The following GASK1A variants were observed in gnomAD, a reference collection of about 807,000 sequenced individuals.
GASK1A encodes the protein Golgi-associated kinase 1A.
A neutral mutation model predicts 41.2 loss-of-function variants in GASK1A; 40 were observed. The ratio of observed to expected loss-of-function variants is 0.97; its 90% CI spans 0.75 to 1.27. The LOEUF is 1.27. GASK1A is among the 50% of genes most tolerant of loss of function. The pLI is 0.00. For synonymous variants in GASK1A, 316 were observed against 307.1 expected, an observed-to-expected ratio of 1.03 and a Z score of -0.30; for missense variants, 678 against 745.1, an observed-to-expected ratio of 0.91 and a Z score of 1.05.
chr3:42,987,255 C>G (rs954549300), intron 1 of GASK1A, among the ~76,000 whole-genome samples: 3 of 152,206 alleles, frequency 2.0e-5, no homozygotes, highest in Non-Finnish European at 4.4e-5. Flanking sequence ...CTAAACTAAT[C>G]CTGGTTGGCT....
chr3:43,055,888 G>A, intron 4 of GASK1A: 1 of 479,132 alleles, frequency 2.1e-6, no homozygotes, highest in Middle Eastern at 5.7e-4. Context: ...ATTCTTTCTG[G>A]CCCTGCATTT....
chr3:43,007,636 T>A (rs909406165), intron 1 of GASK1A, among the ~76,000 whole-genome samples: 5 of 152,278 alleles, frequency 3.3e-5, no homozygotes, highest in Non-Finnish European at 7.3e-5. Context: ...CTCATTCACC[T>A]GCTTTCCAGC....
chr3:43,016,598 C>T (rs1452041595), intron 1 of GASK1A, among the ~76,000 whole-genome samples: 1 of 151,770 alleles, frequency 6.6e-6, no homozygotes, highest in Non-Finnish European at 1.5e-5. Flanking sequence ...TGTGTGAGGT[C>T]CCAGGAAGGG....
At chr3:43,009,442 T>A (rs2089452761) in intron 1 of GASK1A, among the ~76,000 whole-genome samples, 1 of 152,224 alleles carries the variant, frequency 6.6e-6, no homozygotes, top group Non-Finnish European at 1.5e-5. Flanking sequence ...TGGCCTGAGC[T>A]AATTCTTTCC....
At chr3:42,987,195 AG>A (rs1447845357) in intron 1 of GASK1A, among the ~76,000 whole-genome samples, 1 of 152,252 alleles carries the variant, frequency 6.6e-6, no homozygotes, top group African/African-American at 2.4e-5. Flanking sequence ...TCCTGATGCA[AG>A]TCCTGCCCCT....
intron 1 of GASK1A, among the ~76,000 whole-genome samples, chr3:43,011,915 T>C (rs1246249550): frequency 7.8e-6 from 1 of 128,600 alleles, no homozygotes; most frequent in Non-Finnish European, 1.7e-5. Context: ...TGAAGCCAGA[T>C]AAAAGGGCAG....
intron 1 of GASK1A, among the ~76,000 whole-genome samples, chr3:42,987,152 C>A (rs2089315985): frequency 6.6e-6 from 1 of 152,258 alleles, no homozygotes; most frequent in Non-Finnish European, 1.5e-5. Flanking sequence ...GCCATGAGAG[C>A]ACACCTGAAC....
chr3:43,003,964 A>G (rs951734779), intron 1 of GASK1A, among the ~76,000 whole-genome samples: 3 of 152,284 alleles, frequency 2.0e-5, no homozygotes, highest in Non-Finnish European at 2.9e-5. Flanking sequence ...TCTTTTGAAT[A>G]TATGCATTTC....
At chr3:43,040,945 A>G (rs1287648072) in intron 2 of GASK1A, among the ~76,000 whole-genome samples, 9 of 149,606 alleles carry the variant, frequency 6.0e-5, no homozygotes, top group East Asian at 6.0e-4. Context: ...TCGTTGTTCA[A>G]TTCCCACCTA....
Position 43,018,241 on chromosome 3 carries a change from A to T in GASK1A, c.4-14026A>T, listed in dbSNP as rs75207565. Among the ~76,000 whole-genome samples the T allele has an allele frequency of 8.6e-4, 131 of 152,304 alleles. 2 individuals carry two copies. In the East Asian group the frequency reaches 0.023, roughly 26 times the overall value. On this transcript the variant is annotated intron_variant, in intron 1 of 4. Transcript: ENST00000430121. ...AGTACATGGGCTATTGGAAAATTTA[A>T]ATCTTGCCTGCCAGTAATCTGAATT...
intron 1 of GASK1A, among the ~76,000 whole-genome samples, chr3:42,994,113 G>C (rs1174705489): frequency 6.6e-6 from 1 of 152,138 alleles, no homozygotes; most frequent in Non-Finnish European, 1.5e-5. Flanking sequence ...TCTCACACTT[G>C]GACTTAGCCC....
chr3:42,979,641 A>C lies in GASK1A; in HGVS notation c.-2A>C. On this transcript the variant is annotated 5_prime_UTR_variant, in exon 1 of 5. Transcript: ENST00000430121. ...GGAGCCGGCCGGGGCACCGCCGGGG[A>C]CATGGTAGGACTCGCGGGAAGGAAC... 8.0e-7 allele frequency: 1 copy of C among 1,244,730 alleles called. No homozygotes were observed. The highest frequency in any genetic ancestry group is 1.0e-6 in the Non-Finnish European group (1 of 987,618). 77.1% of individuals were successfully genotyped at this position (1,244,730 alleles called of 1,614,324 possible).
intron 1 of GASK1A, among the ~76,000 whole-genome samples, chr3:42,990,957 G>T (rs1323748620): frequency 6.6e-6 from 1 of 152,116 alleles, no homozygotes; most frequent in Non-Finnish European, 1.5e-5. Flanking sequence ...GTATGCAAAT[G>T]ATGGGTGCGG....
chr3:43,012,529 A>G (rs188904282), intron 1 of GASK1A, among the ~76,000 whole-genome samples: 9 of 151,392 alleles, frequency 5.9e-5, no homozygotes, highest in Admixed American at 4.6e-4. Flanking sequence ...GGAAAGTCAC[A>G]TGAAGGGGCT....
intron 1 of GASK1A, among the ~76,000 whole-genome samples, chr3:43,006,272 G>C (rs2089435714): frequency 6.6e-6 from 1 of 151,960 alleles, no homozygotes; most frequent in Non-Finnish European, 1.5e-5. Flanking sequence ...GAGTCTCTTT[G>C]CCTCTCTTGT....
At chr3:43,004,847 G>A (rs766255447) in intron 1 of GASK1A, among the ~76,000 whole-genome samples, 9 of 152,204 alleles carry the variant, frequency 5.9e-5, no homozygotes, top group Non-Finnish European at 1.2e-4. Context: ...AAAACGACAC[G>A]AATTAATTTT....
chr3:43,017,336 G>A (rs1471232447), intron 1 of GASK1A, among the ~76,000 whole-genome samples: 1 of 150,378 alleles, frequency 6.6e-6, no homozygotes, highest in Non-Finnish European at 1.5e-5. Context: ...CATAGGAAGG[G>A]GCAGTGGGAA....
chr3:43,007,944 T>C (rs2089444957), intron 1 of GASK1A, among the ~76,000 whole-genome samples: 1 of 152,232 alleles, frequency 6.6e-6, no homozygotes, highest in African/African-American at 2.4e-5. Flanking sequence ...TATTCTATCC[T>C]GGGGCAGGAA....
chr3:43,033,366 T>C lies in GASK1A; in HGVS notation c.1103T>C (p.Val368Ala). The change falls in exon 2 of 5, where the codon GTC becomes GCC. Residue 368 changes from valine (V) to alanine (A), a missense_variant. Transcript: ENST00000430121. ...TACACAGACGGTGGAGCAAGGCCTG[T>C]CATCTGGTGGGCACCCGATGTGCAG... ...YRYTDGGARP[V>A]IWWAPDVQHL... 6.4e-7 allele frequency: 1 copy of C among 1,551,528 alleles called. No homozygotes were observed. Among genetic ancestry groups the C allele is most frequent in the Non-Finnish European group, 8.7e-7 (1 of 1,146,924 alleles).
Sources: gnomAD v4.1 joint callset for allele counts (sites outside exome capture counted in the v4.1 genomes callset) on GRCh38, gnomAD v4.1.1 for gene constraint, MANE v1.5 for transcripts, NCBI Gene and HGNC (gene_info 2026-07-23, HGNC 2026-07-21) for gene names.